Variants in ATXN1 observed in about 807,000 individuals in gnomAD.
The protein encoded by ATXN1 is ataxin 1.
ATXN1 carries 8 observed loss-of-function variants against 56.4 expected under a neutral mutation model. The observed-to-expected ratio is 0.14, with a 90% CI of 0.08 to 0.26. ATXN1 has a LOEUF of 0.26. ATXN1 is among the 10% of genes least tolerant of loss of function. The probability of loss-of-function intolerance (pLI) is 1.00; values close to 1 mark genes in which losing one functional copy is unlikely to be tolerated. For synonymous variants in ATXN1, 514 were observed against 494.6 expected, an observed-to-expected ratio of 1.04 and a Z score of -0.52; for missense variants, 987 against 1,106.5, an observed-to-expected ratio of 0.89 and a Z score of 1.53.
chr6:16,698,483 A>G (rs890641807), intron 2 of ATXN1, among the ~76,000 whole-genome samples: 5 of 152,168 alleles, frequency 3.3e-5, no homozygotes, highest in Non-Finnish European at 7.3e-5. Context: ...TACGGCACAC[A>G]TGCAGTCATT....
intron 4 of ATXN1, among the ~76,000 whole-genome samples, chr6:16,563,848 G>A (rs954744824): frequency 3.3e-5 from 5 of 152,148 alleles, no homozygotes; most frequent in Non-Finnish European, 7.4e-5. Context: ...TTTTGTCAAC[G>A]GGGAACACAA....
chr6:16,587,625 A>G (rs745654067), intron 3 of ATXN1, among the ~76,000 whole-genome samples: 7 of 152,156 alleles, frequency 4.6e-5, no homozygotes, highest in Non-Finnish European at 1.0e-4. Context: ...TCTCCTTGCC[A>G]TTTAGAAAAT....
chr6:16,743,333 C>T (rs1298604754), intron 2 of ATXN1, among the ~76,000 whole-genome samples: 1 of 152,216 alleles, frequency 6.6e-6, no homozygotes, highest in Middle Eastern at 3.2e-3. Flanking sequence ...GCTTCTTACA[C>T]ATTTTTGTCA....
intron 3 of ATXN1, among the ~76,000 whole-genome samples, chr6:16,627,331 T>C (rs75079392): frequency 0.031 from 4,700 of 152,276 alleles, 87 homozygotes; most frequent in South Asian, 0.075. Flanking sequence ...CAGAGGTGTG[T>C]CTGTTTTTCC....
intron 6 of ATXN1, among the ~76,000 whole-genome samples, chr6:16,388,033 C>T (rs991391231): frequency 2.3e-4 from 35 of 152,278 alleles, no homozygotes; most frequent in African/African-American, 7.0e-4. Flanking sequence ...CAGGTTCCTC[C>T]GACCCCAAGT....
chr6:16,320,666 A>T (rs1016649687), intron 7 of ATXN1, among the ~76,000 whole-genome samples: 2 of 152,250 alleles, frequency 1.3e-5, no homozygotes, highest in Non-Finnish European at 2.9e-5. Context: ...CGTCACTAAC[A>T]GCCTCTTGCA....
chr6:16,389,383 C>A (rs1449850984), intron 6 of ATXN1, among the ~76,000 whole-genome samples: 1 of 151,844 alleles, frequency 6.6e-6, no homozygotes, highest in Non-Finnish European at 1.5e-5. Flanking sequence ...TGATAGCATC[C>A]CTTGGTAGCA....
intron 1 of ATXN1, among the ~76,000 whole-genome samples, chr6:16,758,194 C>T (rs1322599): frequency 0.21 from 31,808 of 152,054 alleles, 3,964 homozygotes; most frequent in East Asian, 0.63. Context: ...ATATATTTTC[C>T]GAATAAGTTA....
intron 6 of ATXN1, among the ~76,000 whole-genome samples, chr6:16,484,446 A>G (rs1433793237): frequency 2.6e-5 from 4 of 152,208 alleles, no homozygotes; most frequent in African/African-American, 9.7e-5. Context: ...TTAAAAAGAA[A>G]AAAATGAAAA....
chr6:16,678,355 T>C (rs1310088941), intron 2 of ATXN1, among the ~76,000 whole-genome samples: 2 of 152,260 alleles, frequency 1.3e-5, no homozygotes, highest in East Asian at 1.9e-4. Context: ...AGGTAAATCT[T>C]ACTTCAAATT....
chr6:16,718,055 C>T (rs1180712111), intron 2 of ATXN1, among the ~76,000 whole-genome samples: 2 of 152,222 alleles, frequency 1.3e-5, no homozygotes, highest in Non-Finnish European at 2.9e-5. Flanking sequence ...AGCCAAATAT[C>T]CACAGTACCA....
intron 3 of ATXN1, among the ~76,000 whole-genome samples, chr6:16,623,187 G>A (rs182252879): frequency 2.6e-4 from 40 of 152,000 alleles, no homozygotes; most frequent in Non-Finnish European, 5.0e-4. Flanking sequence ...TCCATGTCTC[G>A]TGGTATACAG....
chr6:16,620,867 T>A (rs539245123), intron 3 of ATXN1, among the ~76,000 whole-genome samples: 8 of 152,230 alleles, frequency 5.3e-5, no homozygotes, highest in Non-Finnish European at 8.8e-5. Context: ...AGGACTACAC[T>A]CTCCTCTATA....
At chr6:16,594,042 C>T (rs1762770465) in intron 3 of ATXN1, among the ~76,000 whole-genome samples, 1 of 148,444 alleles carries the variant, frequency 6.7e-6, no homozygotes, top group Non-Finnish European at 1.5e-5. Context: ...TCAAATTATA[C>T]ATATTAGTTC....
chr6:16,377,990 C>T (rs1762177169), intron 6 of ATXN1, among the ~76,000 whole-genome samples: 1 of 152,216 alleles, frequency 6.6e-6, no homozygotes, highest in African/African-American at 2.4e-5. Flanking sequence ...GCTCTAAGCG[C>T]CTTCTGCCTA....
intron 6 of ATXN1, among the ~76,000 whole-genome samples, chr6:16,453,585 CATT>C (rs1295762592): frequency 6.6e-6 from 1 of 152,066 alleles, no homozygotes; most frequent in Non-Finnish European, 1.5e-5. Context: ...CTTTCATTAT[CATT>C]ATCATCATCA....
rs1034685860 is a variant in ATXN1 at position 16,410,857 on chromosome 6, G to T, written c.-161+75115C>A. Among the ~76,000 whole-genome samples the T allele has an allele frequency of 4.6e-5, 7 of 152,192 alleles. No homozygotes were observed. The highest frequency in any genetic ancestry group is 6.5e-5 in the Admixed American group (1 of 15,288). On this transcript the variant is annotated intron_variant, in intron 6 of 7. Transcript: ENST00000436367. This position sits in a 1 kb window ranked among gnomAD's most constrained non-coding sequence, Gnocchi z 4.6. Reference sequence around the variant, plus strand: ...AATAGGTGGGTGGCCAGGCACAGTGGCTCACGCCTGTAATCCCAGCTCTTT... The same window carrying T: ...AATAGGTGGGTGGCCAGGCACAGTGTCTCACGCCTGTAATCCCAGCTCTTT...
In ATXN1 at chr6:16,564,140, C is replaced by T. The variant is rs899952281; in HGVS notation, c.-361+21640G>A. On this transcript the variant is annotated intron_variant, in intron 4 of 7. Transcript: ENST00000436367. Reference sequence around the variant, plus strand: ...CAGCCCCCGTCTATAAAGTGAGAAACATTGTAACACATACATGATGCTTAG... The same window carrying T: ...CAGCCCCCGTCTATAAAGTGAGAAATATTGTAACACATACATGATGCTTAG... Among the ~76,000 whole-genome samples, 9 of 152,258 alleles carry T rather than the reference C, an allele frequency of 5.9e-5. 1 individual carries two copies. The highest frequency in any genetic ancestry group is 2.2e-4 in the African/African-American group (9 of 41,554).
At chr6:16,538,704 T>C (rs1441958111) in intron 4 of ATXN1, among the ~76,000 whole-genome samples, 3 of 151,828 alleles carry the variant, frequency 2.0e-5, no homozygotes, top group Non-Finnish European at 4.4e-5. Context: ...GTCCTTGCGA[T>C]TGAGATAGTC....
Sources: gnomAD v4.1 joint callset for allele counts (sites outside exome capture counted in the v4.1 genomes callset) on GRCh38, gnomAD v4.1.1 for gene constraint, Gnocchi (gnomAD v3.1) non-coding constraint, MANE v1.5 for transcripts, NCBI Gene and HGNC (gene_info 2026-07-23, HGNC 2026-07-21) for gene names.